Variants in CEP128 observed in about 807,000 individuals in gnomAD.
CEP128 encodes centrosomal protein 128, also known as centrosomal protein 128kDa.
Under a neutral mutation model 156.7 loss-of-function variants are expected in CEP128, and 132 were observed. The observed-to-expected ratio is 0.84, with a 90% confidence interval of 0.73 to 0.97. CEP128 has a LOEUF of 0.97. Ranked by LOEUF, CEP128 falls within the 50% of genes least tolerant of loss-of-function variation. CEP128 has a pLI of 0.00. For synonymous variants in CEP128, 469 were observed against 448.9 expected, an observed-to-expected ratio of 1.04 and a Z score of -0.57; for missense variants, 1,252 against 1,281.9, an observed-to-expected ratio of 0.98 and a Z score of 0.36.
At chr14:80,706,423 GTGTGTGTGTGTGTGTA>G (rs1566868199) in intron 19 of CEP128, among the ~76,000 whole-genome samples, 2 of 149,698 alleles carry the variant, frequency 1.3e-5, no homozygotes, top group Non-Finnish European at 3.0e-5. Context: ...ACTTGTACTC[GTGTGTGTGTGTGTGTA>G]TGTGTGTGTG....
At chr14:80,917,668 A>AAACATTTCTTG (rs1364024102) in intron 2 of CEP128, among the ~76,000 whole-genome samples, 19 of 152,196 alleles carry the variant, frequency 1.2e-4, no homozygotes, top group African/African-American at 3.6e-4. Flanking sequence ...CCTCCCGAGA[A>AAACATTTCTTG]AACATTTCTT....
chr14:80,703,306 T>C (rs1380860932), intron 19 of CEP128, among the ~76,000 whole-genome samples: 1 of 152,106 alleles, frequency 6.6e-6, no homozygotes, highest in East Asian at 1.9e-4. Flanking sequence ...CCATAAATTC[T>C]ATAGCATCTT....
intron 19 of CEP128, among the ~76,000 whole-genome samples, chr14:80,667,508 C>T (rs2059833814): frequency 6.6e-6 from 1 of 152,104 alleles, no homozygotes; most frequent in Admixed American, 6.5e-5. Flanking sequence ...AACCCAAATT[C>T]TAAAATAAAA....
Position 80,895,893 on chromosome 14 carries a change from A to G in CEP128, c.573-103T>C, listed in dbSNP as rs1889330964. 4.8e-6 allele frequency: 4 copies of G among 833,494 alleles called. No homozygotes were observed. The African/African-American group carries it at 7.0e-5, about 15-fold the overall frequency. The allele number at this position is 833,494 out of a possible 1,614,324, so 51.6% of individuals were successfully genotyped here. A position where few individuals can be genotyped will look rare whatever the true frequency, so the allele number is the denominator to read the frequency against. On this transcript the variant is annotated intron_variant, in intron 7 of 24. Transcript: ENST00000555265. ...TAATTATGTTATTACAAAATATTCT[A>G]CTTTAGTGATTCTCAAATGTTATAA...
At chr14:80,477,741 T>C (rs1886969120) in exon 15 of CEP128, 1 of 152,246 alleles carries the variant, frequency 6.6e-6, no homozygotes, top group Admixed American at 6.5e-5. Context: ...TCTGTTTTTC[T>C]GTCTGTTAAT....
intron 16 of CEP128, among the ~76,000 whole-genome samples, chr14:80,772,563 G>A (rs1259372805): frequency 3.5e-4 from 53 of 152,170 alleles, no homozygotes; most frequent in Admixed American, 3.5e-3. Flanking sequence ...GCACTGAGCT[G>A]TTTAACACTT....
chr14:80,906,018 C>T lies in CEP128; in HGVS notation c.298G>A (p.Gly100Arg), dbSNP rs756421509. The change falls in exon 5 of 25, where the codon GGA becomes AGA. Residue 100 changes from glycine to arginine, a missense_variant. By Grantham distance (125) the Gly-to-Arg change is moderately radical. Coordinates refer to ENST00000555265, the MANE Select transcript of CEP128 (RefSeq NM_152446.5). ...CTTGTAACAGAAATACTTCTCCCTC[C>T]TGAGTTTCTCAATAAACGTTGACTC... is the stretch of plus-strand genomic sequence containing the variant. The part of the protein sequence containing the change: ...LRSQRLLRNS[G>R]GRSISVTSLS... The T allele has an allele frequency of 6.2e-7, 1 of 1,612,918 alleles. No homozygotes were observed. Among genetic ancestry groups the T allele is most frequent in the South Asian group, 1.1e-5 (1 of 90,948 alleles).
chr14:80,800,147 G>A (rs1883757608), intron 13 of CEP128, among the ~76,000 whole-genome samples: 1 of 152,130 alleles, frequency 6.6e-6, no homozygotes, highest in African/African-American at 2.4e-5. Flanking sequence ...GTCACCCCCA[G>A]TGGCCCAGCT....
At chr14:80,631,903 T>TC (rs1461825367) in intron 19 of CEP128, among the ~76,000 whole-genome samples, 2 of 151,962 alleles carry the variant, frequency 1.3e-5, no homozygotes, top group African/African-American at 2.4e-5. Context: ...ACACCTTTTT[T>TC]CCCCCTCAGT....
intron 9 of CEP128, among the ~76,000 whole-genome samples, chr14:80,855,700 C>A (rs575038192): frequency 1.3e-5 from 2 of 152,050 alleles, no homozygotes; most frequent in African/African-American, 2.4e-5. Context: ...AAGGCCTCCA[C>A]GACTCCAAAC....
At chr14:80,908,592 A>C (rs1355186967) in intron 4 of CEP128, among the ~76,000 whole-genome samples, 2 of 152,120 alleles carry the variant, frequency 1.3e-5, no homozygotes. Context: ...TAATTTCTTG[A>C]ACATGTTATT....
chr14:80,699,194 T>C (rs895858484), intron 19 of CEP128, among the ~76,000 whole-genome samples: 18 of 152,200 alleles, frequency 1.2e-4, no homozygotes, highest in African/African-American at 3.9e-4. Flanking sequence ...CAATTTAATC[T>C]GTAAGTATCT....
chr14:80,495,920 T>C (rs1220573871), downstream of CEP128, among the ~76,000 whole-genome samples: 1 of 152,210 alleles, frequency 6.6e-6, no homozygotes, highest in Non-Finnish European at 1.5e-5. Context: ...ATACTTTAAA[T>C]ATTACCATAG....
chr14:80,592,044 G>C (rs775770465), intron 19 of CEP128, among the ~76,000 whole-genome samples: 4 of 152,156 alleles, frequency 2.6e-5, no homozygotes, highest in Non-Finnish European at 5.9e-5. Flanking sequence ...ATGCCCACAA[G>C]AGAAAGCTGG....
chr14:80,658,267 A>G (rs918802711), intron 19 of CEP128, among the ~76,000 whole-genome samples: 2 of 152,198 alleles, frequency 1.3e-5, no homozygotes, highest in African/African-American at 4.8e-5. Flanking sequence ...GGGAGAGGAA[A>G]TTGGTTTTGA....
intron 8 of CEP128, among the ~76,000 whole-genome samples, chr14:80,886,474 T>G (rs1888806790): frequency 6.6e-6 from 1 of 152,198 alleles, no homozygotes; most frequent in Admixed American, 6.5e-5. Flanking sequence ...GGGCCAATAT[T>G]CAACATTCTT....
chr14:80,704,654 A>T (rs1419079806), intron 19 of CEP128, among the ~76,000 whole-genome samples: 2 of 149,336 alleles, frequency 1.3e-5, no homozygotes, highest in Non-Finnish European at 3.0e-5. Flanking sequence ...CGCTTGAAAC[A>T]TGAAGAGGTG....
chr14:80,486,258 A>G (rs532103493), downstream of CEP128, among the ~76,000 whole-genome samples: 119 of 152,342 alleles, frequency 7.8e-4, no homozygotes, highest in Non-Finnish European at 1.2e-3. Flanking sequence ...CAACTGGAAG[A>G]AAGGGTATCA....
intron 9 of CEP128, 133 bp from the exon 10 acceptor site, chr14:80,840,901 G>T: frequency 1.6e-6 from 1 of 621,024 alleles, no homozygotes; most frequent in Non-Finnish European, 2.9e-6. Flanking sequence ...ATTACAGTCT[G>T]CTCATAAGAA....
Sources: allele counts gnomAD v4.1 joint callset (sites outside exome capture counted in the v4.1 genomes callset), GRCh38; gene constraint gnomAD v4.1.1; transcripts MANE v1.5; gene names NCBI Gene and HGNC (gene_info 2026-07-23, HGNC 2026-07-21).